TRAPPC12: variants seen among roughly 807,000 people sequenced by gnomAD.
TRAPPC12 encodes TPR repeat protein 15.
In TRAPPC12, 61 loss-of-function variants were observed where a neutral mutation model predicts 69.2. The observed-to-expected ratio is 0.88, with a 90% CI of 0.72 to 1.09. The LOEUF is 1.09. Ranked by LOEUF, TRAPPC12 falls within the 50% of genes least tolerant of loss-of-function variation. The pLI is 0.00. For missense variants in TRAPPC12, 1,101 were observed against 1,016.4 expected (o/e 1.08, Z -1.13); for synonymous variants, 469 against 438.9 (o/e 1.07, Z -0.86).
intron 3 of TRAPPC12, among the ~76,000 whole-genome samples, chr2:3,405,396 G>T (rs1205032251): frequency 1.3e-5 from 2 of 152,058 alleles, no homozygotes; most frequent in Non-Finnish European, 2.9e-5. Flanking sequence ...AGTTGCTGGT[G>T]TTGGTTTTGC....
chr2:3,398,525 G>C (rs916090530), intron 2 of TRAPPC12, among the ~76,000 whole-genome samples: 17 of 152,222 alleles, frequency 1.1e-4, no homozygotes, highest in African/African-American at 3.9e-4. Context: ...TTCTGTGCCA[G>C]GTGCAGGGGC....
intron 2 of TRAPPC12, among the ~76,000 whole-genome samples, chr2:3,390,634 T>C (rs1241445058): frequency 6.6e-6 from 1 of 152,246 alleles, no homozygotes; most frequent in African/African-American, 2.4e-5. Flanking sequence ...GCAATGAAAC[T>C]ATTCCGTGTG....
At chr2:3,406,956 G>A (rs917855253) in intron 3 of TRAPPC12, among the ~76,000 whole-genome samples, 1 of 152,224 alleles carries the variant, frequency 6.6e-6, no homozygotes, top group African/African-American at 2.4e-5. Context: ...GGCCTAACAA[G>A]GGAGCTTACG....
chr2:3,426,720 C>T (rs1321333413), intron 5 of TRAPPC12, among the ~76,000 whole-genome samples: 3 of 152,222 alleles, frequency 2.0e-5, no homozygotes, highest in Non-Finnish European at 4.4e-5. Context: ...GGAAGCTGCT[C>T]GGTGGTCGTG....
chr2:3,388,654 G>C lies in TRAPPC12; in HGVS notation c.1031G>C (p.Arg344Thr), dbSNP rs765867180. The C allele has an allele frequency of 9.6e-6, 15 of 1,565,962 alleles. No individual in the cohort carries two copies. The highest frequency in any genetic ancestry group is 1.3e-5 in the Non-Finnish European group (15 of 1,153,542). ...GAGAACCTCACCATGCCGGGCCTCA[G>C]GTTCGACAACATCCAGGTGAGCCCG... ...DKENLTMPGL[R>T]FDNIQGDAVK... The change falls in exon 2 of 12, where the codon AGG becomes ACG. Residue 344 changes from arginine (R) to threonine (T), a missense_variant. Coordinates refer to ENST00000324266, the MANE Select transcript of TRAPPC12 (RefSeq NM_016030.6).
intron 9 of TRAPPC12, among the ~76,000 whole-genome samples, chr2:3,473,485 T>C (rs1347101362): frequency 6.6e-6 from 1 of 151,560 alleles, no homozygotes; most frequent in East Asian, 1.9e-4. Flanking sequence ...GGTGGGTTTT[T>C]TTGTCTGTTT....
chr2:3,417,762 G>A (rs6747875), intron 3 of TRAPPC12, among the ~76,000 whole-genome samples: 45,109 of 152,042 alleles, frequency 0.3, 7,150 homozygotes, highest in Middle Eastern at 0.39. Flanking sequence ...ATGGTCATTG[G>A]CCGGGCGTGA....
At chr2:3,455,812 G>A (rs564207404) in intron 6 of TRAPPC12, 7 of 152,328 alleles carry the variant, frequency 4.6e-5, no homozygotes, top group East Asian at 1.9e-4. Flanking sequence ...CAGCACACAC[G>A]GGTGTGCAGT....
At chr2:3,380,225 T>G (rs1337151486) in intron 1 of TRAPPC12, among the ~76,000 whole-genome samples, 2 of 151,754 alleles carry the variant, frequency 1.3e-5, no homozygotes, top group Admixed American at 6.6e-5. Flanking sequence ...GTTCCAGGCT[T>G]GGTGCCAGCC....
rs1016507946 is a variant in TRAPPC12 at position 3,414,672 on chromosome 2, A to G, written c.1165-7209A>G. Among the ~76,000 whole-genome samples the G allele has an allele frequency of 6.6e-6, 1 of 152,140 alleles. No homozygotes were observed. Among genetic ancestry groups the G allele is most frequent in the Non-Finnish European group, 1.5e-5 (1 of 68,026 alleles). On this transcript the variant is annotated intron_variant, in intron 3 of 11. Transcript: ENST00000324266. This position sits in a 1 kb window ranked among gnomAD's most constrained non-coding sequence, Gnocchi z 4.9. ...CAGCAGTGTCCTCACAGAGCTGTCA[A>G]GCGTGTCCATGCCGTGCCGCTTGTG...
intron 1 of TRAPPC12, among the ~76,000 whole-genome samples, chr2:3,381,732 A>T (rs547070152): frequency 9.8e-5 from 15 of 152,310 alleles, no homozygotes; most frequent in African/African-American, 3.4e-4. Flanking sequence ...CCAGCATAAG[A>T]TGGGGACCAT....
chr2:3,425,269 C>G (rs1165052602), intron 5 of TRAPPC12, among the ~76,000 whole-genome samples: 3 of 152,150 alleles, frequency 2.0e-5, no homozygotes, highest in Admixed American at 1.3e-4. Flanking sequence ...CAGTGTGCGT[C>G]TCTTGGTGGA....
At chr2:3,440,279 G>C (rs1467700138) in intron 5 of TRAPPC12, among the ~76,000 whole-genome samples, 3 of 152,190 alleles carry the variant, frequency 2.0e-5, no homozygotes, top group Non-Finnish European at 4.4e-5. Context: ...AGGTCAAGTT[G>C]TAAAGAACTG....
chr2:3,384,284 T>G (rs914648884), intron 1 of TRAPPC12, among the ~76,000 whole-genome samples: 1 of 152,204 alleles, frequency 6.6e-6, no homozygotes, highest in Non-Finnish European at 1.5e-5. Context: ...TTTTTTCTTT[T>G]CAGTTTTTAT....
At chr2:3,410,772 C>T (rs974836073) in intron 3 of TRAPPC12, among the ~76,000 whole-genome samples, 2 of 152,234 alleles carry the variant, frequency 1.3e-5, no homozygotes, top group African/African-American at 4.8e-5. Context: ...TGGCTCATGC[C>T]TGTAATCCCA....
intron 3 of TRAPPC12, among the ~76,000 whole-genome samples, chr2:3,417,044 T>A (rs1662455780): frequency 6.6e-6 from 1 of 152,104 alleles, no homozygotes; most frequent in African/African-American, 2.4e-5. Context: ...CCCTGGCACA[T>A]GCTTCTCCCA....
intron 3 of TRAPPC12, among the ~76,000 whole-genome samples, chr2:3,413,023 C>T (rs952636983): frequency 2.0e-5 from 3 of 152,288 alleles, no homozygotes; most frequent in Admixed American, 1.3e-4. Context: ...TCTTTGCTCC[C>T]AAAGACCCTT....
intron 6 of TRAPPC12, among the ~76,000 whole-genome samples, chr2:3,445,263 T>C (rs778554087): frequency 1.3e-5 from 2 of 152,302 alleles, no homozygotes; most frequent in East Asian, 3.9e-4. Context: ...CTCATGCCTG[T>C]AATCCCAGCT....
chr2:3,438,751 T>C (rs779042540), intron 5 of TRAPPC12, among the ~76,000 whole-genome samples: 23 of 152,136 alleles, frequency 1.5e-4, no homozygotes, highest in South Asian at 4.1e-4. Context: ...CCGCTGTCTT[T>C]TTCTGCTTGA....
Sources: gnomAD v4.1 joint callset for allele counts (sites outside exome capture counted in the v4.1 genomes callset) on GRCh38, gnomAD v4.1.1 for gene constraint, Gnocchi (gnomAD v3.1) non-coding constraint, MANE v1.5 for transcripts, NCBI Gene and HGNC (gene_info 2026-07-23, HGNC 2026-07-21) for gene names.